Variants in SLIT3 observed in about 807,000 individuals in gnomAD.
SLIT3 encodes slit guidance ligand 3.
A neutral mutation model predicts 184.0 loss-of-function variants in SLIT3; 68 were observed. The ratio of observed to expected loss-of-function variants is 0.37; its 90% CI spans 0.30 to 0.45. The LOEUF is 0.45. Among genes scored for constraint, SLIT3 ranks in the 20% least tolerant of loss-of-function variants. SLIT3 has a pLI of 1.00. For missense variants in SLIT3, 1,707 were observed against 2,026.0 expected, an observed-to-expected ratio of 0.84 and a Z score of 3.02; for synonymous variants, 831 against 828.6, an observed-to-expected ratio of 1.00 and a Z score of -0.05.
chr5:168,996,858 A>G (rs368860693), intron 4 of SLIT3, among the ~76,000 whole-genome samples: 28 of 152,244 alleles, frequency 1.8e-4, no homozygotes, highest in African/African-American at 6.5e-4. Context: ...GGCCTGTCTC[A>G]GGAGGTGGGT....
chr5:168,904,954 C>G (rs1351579171), intron 4 of SLIT3, among the ~76,000 whole-genome samples: 1 of 152,046 alleles, frequency 6.6e-6, no homozygotes, highest in Non-Finnish European at 1.5e-5. Context: ...ATTGCCTGAG[C>G]TCAGGAGTTT....
chr5:169,167,490 A>T (rs1340639643), intron 4 of SLIT3, among the ~76,000 whole-genome samples: 2 of 151,730 alleles, frequency 1.3e-5, no homozygotes, highest in Non-Finnish European at 2.9e-5. Context: ...GTTAGCCAGG[A>T]TGGTCTCGAT....
intron 20 of SLIT3, among the ~76,000 whole-genome samples, chr5:168,731,880 GA>G (rs1763299777): frequency 6.6e-6 from 1 of 151,968 alleles, no homozygotes. Context: ...TTCCCTCTAA[GA>G]ATTGGAACAA....
chr5:168,846,694 G>A (rs1326233713), intron 5 of SLIT3, among the ~76,000 whole-genome samples: 1 of 152,228 alleles, frequency 6.6e-6, no homozygotes, highest in Non-Finnish European at 1.5e-5. Flanking sequence ...TCTGGGGTGT[G>A]TAGAGATGGC....
At chr5:169,086,204 A>G (rs1759291801) in intron 4 of SLIT3, among the ~76,000 whole-genome samples, 2 of 152,172 alleles carry the variant, frequency 1.3e-5, no homozygotes, top group South Asian at 4.1e-4. Flanking sequence ...TAACCACCCC[A>G]TTTTACATAT....
intron 4 of SLIT3, among the ~76,000 whole-genome samples, chr5:168,931,595 G>A (rs1466600964): frequency 6.6e-6 from 1 of 152,194 alleles, no homozygotes; most frequent in Non-Finnish European, 1.5e-5. Context: ...AAGGGAAAGT[G>A]TGTACTGAGT....
chr5:168,734,784 C>A (rs1021304150), intron 20 of SLIT3, among the ~76,000 whole-genome samples: 1 of 152,174 alleles, frequency 6.6e-6, no homozygotes, highest in Non-Finnish European at 1.5e-5. Flanking sequence ...TGGCTCACCA[C>A]AGCATTCTCG....
rs1758712185 is a variant in SLIT3 at position 168,852,377 on chromosome 5, G to A, written c.486-7722C>T. ...GGGGTTTCAGAAAATTTTCCCACTG[G>A]GCTCTAAAGATTAAATGATTCCAGC... On this transcript the variant is annotated intron_variant, in intron 5 of 35. Coordinates refer to ENST00000519560, the MANE Select transcript of SLIT3 (RefSeq NM_003062.4). Among the ~76,000 whole-genome samples, 9 of 152,216 alleles carry A rather than the reference G, an allele frequency of 5.9e-5. No homozygotes were observed. The South Asian group carries it at 1.7e-3, about 28-fold the overall frequency.
At chr5:169,157,765 T>G (rs2113384314) in intron 4 of SLIT3, among the ~76,000 whole-genome samples, 1 of 152,312 alleles carries the variant, frequency 6.6e-6, no homozygotes, top group African/African-American at 2.4e-5. Flanking sequence ...CTAGAAATGT[T>G]TTTATGAACA....
intron 32 of SLIT3, among the ~76,000 whole-genome samples, chr5:168,677,981 C>T (rs1002956010): frequency 6.6e-6 from 1 of 152,158 alleles, no homozygotes; most frequent in African/African-American, 2.4e-5. Context: ...TCTGTATACT[C>T]CCACTGGCTC....
rs568703373 is a variant in SLIT3, at chr5:168,818,570, C to T, written c.630-1107G>A. Among the ~76,000 whole-genome samples the T allele has an allele frequency of 1.3e-3, 201 of 152,308 alleles. 1 individual carries two copies. The highest frequency in any genetic ancestry group is 3.9e-3 in the African/African-American group (162 of 41,546). On this transcript the variant is annotated intron_variant, in intron 7 of 35. Transcript: ENST00000519560. ...GTCAGCTTGTCATGTACTTGCATTT[C>T]GGATGCACATTTTAAATGCCTAAAT...
chr5:168,896,952 G>T (rs1760685044), intron 4 of SLIT3, among the ~76,000 whole-genome samples: 1 of 152,206 alleles, frequency 6.6e-6, no homozygotes, highest in African/African-American at 2.4e-5. Context: ...AGCTTCAAAG[G>T]GGTCCAGAGC....
Position 169,222,096 on chromosome 5 carries a change from T to C in SLIT3, c.341+22609A>G, listed in dbSNP as rs191186815. Among the ~76,000 whole-genome samples, 145 of 152,362 alleles carry C rather than the reference T, an allele frequency of 9.5e-4. 1 individual carries two copies. Among genetic ancestry groups the C allele is most frequent in the Middle Eastern group, 3.4e-3 (1 of 294 alleles). On this transcript the variant is annotated intron_variant, in intron 3 of 35. Coordinates refer to ENST00000519560, the MANE Select transcript of SLIT3 (RefSeq NM_003062.4). Reference sequence around the variant, plus strand: ...ATAAACTGACTTGGGTCCTTGGGGATGTGTGTTGAAGTACACCTAGGATGG... The same window carrying C: ...ATAAACTGACTTGGGTCCTTGGGGACGTGTGTTGAAGTACACCTAGGATGG...
intron 4 of SLIT3, among the ~76,000 whole-genome samples, chr5:169,136,336 T>A (rs568797149): frequency 6.6e-6 from 1 of 152,250 alleles, no homozygotes; most frequent in East Asian, 1.9e-4. Flanking sequence ...ACCCTGCCCA[T>A]TAAAGGGCAG....
chr5:168,748,870 T>A (rs1190236870), intron 19 of SLIT3, among the ~76,000 whole-genome samples: 1 of 152,228 alleles, frequency 6.6e-6, no homozygotes, highest in African/African-American at 2.4e-5. Context: ...TGTCTCTAGA[T>A]AACCCAAAGT....
intron 23 of SLIT3, chr5:168,720,541 C>T (rs965114322): frequency 6.6e-6 from 1 of 152,204 alleles, no homozygotes; most frequent in Non-Finnish European, 1.5e-5. Flanking sequence ...AACTATTAGA[C>T]TGGGATGGAA....
rs768882911 is a variant in SLIT3 at position 168,671,492 on chromosome 5, G to A, written c.3842-9C>T. 5 of 1,607,098 alleles carry A rather than the reference G, an allele frequency of 3.1e-6. No homozygotes were observed. The highest frequency in any genetic ancestry group is 2.2e-5 in the South Asian group (2 of 89,904). ...GGTGGAGGTGGGGATGCCTGTGGGA[G>A]GGGAGCCAGGACAGTGGCCTGAAGA... On this transcript the variant is annotated splice_polypyrimidine_tract_variant and intron_variant, in intron 33 of 35. Transcript: ENST00000519560.
At chr5:168,911,263 A>C (rs920375976) in intron 4 of SLIT3, among the ~76,000 whole-genome samples, 1 of 152,188 alleles carries the variant, frequency 6.6e-6, no homozygotes, top group Non-Finnish European at 1.5e-5. Flanking sequence ...ACACATTTTG[A>C]ATGATTTATG....
At chr5:169,167,874 T>G (rs1762692359) in intron 4 of SLIT3, among the ~76,000 whole-genome samples, 1 of 152,220 alleles carries the variant, frequency 6.6e-6, no homozygotes, top group Non-Finnish European at 1.5e-5. Context: ...CTCTGGCCAC[T>G]GGCCATATGC....
Sources: gnomAD v4.1 joint callset for allele counts (sites outside exome capture counted in the v4.1 genomes callset) on GRCh38, gnomAD v4.1.1 for gene constraint, MANE v1.5 for transcripts, NCBI Gene and HGNC (gene_info 2026-07-23, HGNC 2026-07-21) for gene names.